NLE1: variants seen among roughly 807,000 people sequenced by gnomAD.
NLE1 encodes notchless protein homolog 1.
NLE1 carries 37 observed loss-of-function variants against 62.8 expected under a neutral mutation model. That is an observed-to-expected ratio of 0.59 (90% CI 0.45 to 0.78). The LOEUF (loss-of-function observed/expected upper bound fraction) is 0.78. NLE1 is among the 30% of genes least tolerant of loss of function. The pLI is 0.00. For synonymous variants in NLE1, 243 were observed against 253.0 expected (o/e 0.96, Z 0.37); for missense variants, 555 against 637.9 (o/e 0.87, Z 1.40).
chr17:35,139,692 A>T, intron 3 of NLE1, 157 bp downstream of exon 3: 1 of 1,020,324 alleles, frequency 9.8e-7, no homozygotes, highest in Non-Finnish European at 1.4e-6. Context: ...ACCATGCCCT[A>T]CTGAGGAAGT....
At chr17:35,141,826 G>A (rs1471777694) in intron 2 of NLE1, among the ~76,000 whole-genome samples, 153 bp downstream of exon 2, 3 of 152,230 alleles carry the variant, frequency 2.0e-5, no homozygotes, top group Admixed American at 6.5e-5. Context: ...CTATGCCACT[G>A]ATTCCATCTC....
chr17:35,140,787 G>A (rs187865620), intron 2 of NLE1, among the ~76,000 whole-genome samples: 21 of 151,978 alleles, frequency 1.4e-4, no homozygotes, highest in Admixed American at 2.6e-4. Flanking sequence ...GACTGTTTTC[G>A]CCATATTGGC....
In NLE1 at chr17:35,136,529, C is replaced by A. The variant is rs775101191; in HGVS notation, c.829-32G>T. On this transcript the variant is annotated intron_variant, in intron 7 of 12. Transcript: ENST00000442241. ...GAGAGCGAGTCAGGTCAGACACACA[C>A]ACTCCTCCCCACGCCTGGGCGATTA... is the stretch of plus-strand genomic sequence containing the variant. The A allele has an allele frequency of 3.1e-6, 5 of 1,591,260 alleles. No homozygotes were observed. The South Asian group carries it at 4.4e-5, about 14-fold the overall frequency.
At chr17:35,139,197 A>T in intron 4 of NLE1, 38 bp downstream of exon 4, 1 of 1,582,214 alleles carries the variant, frequency 6.3e-7, no homozygotes, top group Non-Finnish European at 8.7e-7. Flanking sequence ...TGTCTCAAAA[A>T]AAAAGAAGAC....
At position 35,129,460 on chromosome 17, in the gene NLE1, T is replaced by C; in HGVS notation, c.*2977A>G. On this transcript the variant is annotated 3_prime_UTR_variant, in exon 13 of 13. Coordinates refer to ENST00000442241, the MANE Select transcript of NLE1 (RefSeq NM_018096.5). ...ACGCCTTGGGCAAGCAGCCGGTCAG[T>C]TTCTACCAGCTCCTGTTACAGGAGG... is the stretch of plus-strand genomic sequence containing the variant. 10 of 1,614,162 alleles carry C rather than the reference T, an allele frequency of 6.2e-6. No homozygotes were observed. The highest frequency in any genetic ancestry group is 8.5e-6 in the Non-Finnish European group (10 of 1,180,022).
chr17:35,138,735 C>A (rs913636228), intron 4 of NLE1, among the ~76,000 whole-genome samples: 3 of 152,190 alleles, frequency 2.0e-5, no homozygotes, highest in Non-Finnish European at 4.4e-5. Flanking sequence ...TGGGCCACCA[C>A]GCCTGGCCAG....
rs1292958522 is a variant in NLE1 at position 35,136,492 on chromosome 17, C to T, written c.834G>A (p.Val278=). 2 of 1,613,204 alleles carry T rather than the reference C, an allele frequency of 1.2e-6. No homozygotes were observed. Among genetic ancestry groups the T allele is most frequent in the Admixed American group, 3.3e-5 (2 of 60,008 alleles). ...TIKVWRAHDG[V]LCRTLQGHGH... The stretch of plus-strand genomic sequence containing the variant: ...CGTGGCCTTGCAGAGTCCGGCACAG[C>T]ACACCCTACGGGAGAGCGAGTCAGG... The change falls in exon 8 of 13, where the codon GTG becomes GTA. Residue 278 remains valine, a synonymous_variant. Coordinates refer to ENST00000442241, the MANE Select transcript of NLE1 (RefSeq NM_018096.5).
intron 2 of NLE1, 76 bp from the exon 3 acceptor site, chr17:35,140,142 T>G: frequency 1.3e-6 from 2 of 1,526,718 alleles, no homozygotes; most frequent in Non-Finnish European, 1.8e-6. Flanking sequence ...TGCTCCCCAC[T>G]GAGCTGTGGG....
chr17:35,129,417 C>T lies in NLE1; in HGVS notation c.*3020G>A, dbSNP rs2142494861. The T allele has an allele frequency of 1.2e-6, 2 of 1,612,726 alleles. No individual in the cohort carries two copies. The highest frequency in any genetic ancestry group is 1.7e-5 in the Admixed American group (1 of 59,970). ...AGGAAGCCTCGGGGCTCTCTCTTCCCCTAGATTTCCTGGACCTACGCCTTG... is the reference window on the plus strand; with the variant it reads ...AGGAAGCCTCGGGGCTCTCTCTTCCTCTAGATTTCCTGGACCTACGCCTTG... On this transcript the variant is annotated 3_prime_UTR_variant, in exon 13 of 13. Transcript: ENST00000442241.
In NLE1 at chr17:35,132,246, G is replaced by A. The variant is rs1391062837; in HGVS notation, c.*191C>T. 2 of 412,650 alleles carry A rather than the reference G, an allele frequency of 4.8e-6. No individual in the cohort carries two copies. Among genetic ancestry groups the A allele is most frequent in the Admixed American group, 4.5e-5 (1 of 22,104 alleles). 25.6% of individuals were successfully genotyped at this position (412,650 alleles called of 1,614,324 possible). On this transcript the variant is annotated 3_prime_UTR_variant, in exon 13 of 13. Transcript: ENST00000442241. ...TGTGACCTTCGATTTCTGGCTCTGG[G>A]GTGTGCCACAGGCGGGGATCTGTGG...
Position 35,136,157 on chromosome 17 carries a change from G to A in NLE1, c.1011+12C>T. The A allele has an allele frequency of 1.2e-6, 2 of 1,613,880 alleles. No individual in the cohort carries two copies. The highest frequency in any genetic ancestry group is 1.1e-5 in the South Asian group (1 of 91,080). On this transcript the variant is annotated intron_variant, in intron 9 of 12. Coordinates refer to ENST00000442241, the MANE Select transcript of NLE1 (RefSeq NM_018096.5). The stretch of plus-strand genomic sequence containing the variant: ...ACAGAGCTAGGGGTGCACGTGGCTG[G>A]CACACACTCACCCGCACGAGGTTGT...
In NLE1 at chr17:35,130,605, TTC is replaced by T; in HGVS notation, c.*1830_*1831del. 1.5e-6 allele frequency: 1 copy of T among 669,916 alleles called. No individual in the cohort carries two copies. Among genetic ancestry groups the T allele is most frequent in the Non-Finnish European group, 2.5e-6 (1 of 405,258 alleles). The allele number at this position is 669,916 out of a possible 1,614,324, so 41.5% of individuals were successfully genotyped here. ...GGGCCAAGGCTACATAGGGGCCCCA[TTC>T]ACCTGGAGGCATCTCAGGCCAGGCC... On this transcript the variant is annotated 3_prime_UTR_variant, in exon 13 of 13. Coordinates refer to ENST00000442241, the MANE Select transcript of NLE1 (RefSeq NM_018096.5).
At position 35,129,500 on chromosome 17, in the gene NLE1, G is replaced by A. The variant is rs1345192256; in HGVS notation, c.*2937C>T. 6.2e-7 allele frequency: 1 copy of A among 1,614,208 alleles called. No homozygotes were observed. The highest frequency in any genetic ancestry group is 1.1e-5 in the South Asian group (1 of 91,066). On this transcript the variant is annotated 3_prime_UTR_variant, in exon 13 of 13. Coordinates refer to ENST00000442241, the MANE Select transcript of NLE1 (RefSeq NM_018096.5). The stretch of plus-strand genomic sequence containing the variant: ...GTTACAGGAGGTGGCCAAGACACAG[G>A]AGAATGAGTTGCCCGAGGCAAAGAA...
chr17:35,134,999 C>T (rs1033236087), intron 10 of NLE1: 2 of 578,256 alleles, frequency 3.5e-6, no homozygotes, highest in South Asian at 3.0e-5. Context: ...TTGTAATGAG[C>T]CAAGATCGTG....
intron 10 of NLE1, 105 bp from the exon 11 acceptor site, chr17:35,133,603 T>A: frequency 9.4e-7 from 1 of 1,067,022 alleles, no homozygotes; most frequent in South Asian, 1.5e-5. Context: ...CTCGGCTGTC[T>A]GTTAGAAATA....
rs2091902802 is a variant in NLE1, at chr17:35,135,455, G to T, written c.1012-4C>A. 1 of 1,613,786 alleles carries T rather than the reference G, an allele frequency of 6.2e-7. No homozygotes were observed. Among genetic ancestry groups the T allele is most frequent in the South Asian group, 1.1e-5 (1 of 91,072 alleles). On this transcript the variant is annotated splice_region_variant and splice_polypyrimidine_tract_variant and intron_variant, in intron 9 of 12. Coordinates refer to ENST00000442241, the MANE Select transcript of NLE1 (RefSeq NM_018096.5). The stretch of plus-strand genomic sequence containing the variant: ...CCAGCCTCTCTGGACCCTGGCCCTA[G>T]GGGAGGCAGAAAGCACACTGTGTTG...
intron 10 of NLE1, among the ~76,000 whole-genome samples, chr17:35,133,824 G>C (rs1178658945): frequency 6.6e-6 from 1 of 152,122 alleles, no homozygotes; most frequent in Non-Finnish European, 1.5e-5. Flanking sequence ...CAAACAGCAA[G>C]TGCCTGCTGA....
Position 35,137,835 on chromosome 17 carries a change from G to A in NLE1, c.516C>T (p.Ala172=). 1.9e-6 allele frequency: 3 copies of A among 1,613,640 alleles called. No homozygotes were observed. The highest frequency in any genetic ancestry group is 2.5e-6 in the Non-Finnish European group (3 of 1,179,694). ...CTACCTGGCCATTCTTGCAGCCTGAGGCCAGCTTCCTGCCATCTGGAGACC... is the reference window on the plus strand; with the variant it reads ...CTACCTGGCCATTCTTGCAGCCTGAAGCCAGCTTCCTGCCATCTGGAGACC... ...ISWSPDGRKL[A]SGCKNGQILL... Residue 172 remains alanine, a synonymous_variant, in exon 5 of 13, where the codon GCC becomes GCT. Coordinates refer to ENST00000442241, the MANE Select transcript of NLE1 (RefSeq NM_018096.5).
At position 35,131,543 on chromosome 17, in the gene NLE1, G is replaced by C. The variant is rs1046127957; in HGVS notation, c.*894C>G. 1 of 152,202 alleles carries C rather than the reference G, an allele frequency of 6.6e-6. No homozygotes were observed. Among genetic ancestry groups the C allele is most frequent in the Non-Finnish European group, 1.5e-5 (1 of 68,044 alleles). The allele number at this position is 152,202 out of a possible 1,614,324, so 9.4% of individuals were successfully genotyped here. Reference sequence around the variant, plus strand: ...GTTCTCGTGGCAAAGAACTTCCTCTGTATCAACAATACCCACTTCTGCTCA... The same window carrying C: ...GTTCTCGTGGCAAAGAACTTCCTCTCTATCAACAATACCCACTTCTGCTCA... On this transcript the variant is annotated 3_prime_UTR_variant, in exon 13 of 13. Transcript: ENST00000442241.
Sources: gnomAD v4.1 joint callset for allele counts (sites outside exome capture counted in the v4.1 genomes callset) on GRCh38, gnomAD v4.1.1 for gene constraint, MANE v1.5 for transcripts, NCBI Gene and HGNC (gene_info 2026-07-23, HGNC 2026-07-21) for gene names.